The following ADGRB3 variants were observed in gnomAD, a reference collection of about 807,000 sequenced individuals.
ADGRB3 encodes adhesion G protein-coupled receptor B3, also known as brain-specific angiogenesis inhibitor 3.
In ADGRB3, 37 loss-of-function variants were observed where a neutral mutation model predicts 193.4. The observed-to-expected ratio is 0.19, with a 90% CI of 0.15 to 0.25. ADGRB3 has a LOEUF of 0.25. ADGRB3 is among the 10% of genes least tolerant of loss of function. ADGRB3 has a pLI of 1.00. For synonymous variants in ADGRB3, 690 were observed against 644.2 expected, an observed-to-expected ratio of 1.07 and a Z score of -1.08; for missense variants, 1,637 against 1,852.9, an observed-to-expected ratio of 0.88 and a Z score of 2.14.
chr6:69,162,100 G>A (rs966752856), intron 17 of ADGRB3, among the ~76,000 whole-genome samples: 6 of 152,102 alleles, frequency 3.9e-5, no homozygotes, highest in Admixed American at 3.3e-4. Flanking sequence ...GGTGATGGTT[G>A]TGGTGCTGGC....
intron 3 of ADGRB3, among the ~76,000 whole-genome samples, chr6:68,758,343 T>C (rs2127350052): frequency 6.6e-6 from 1 of 152,164 alleles, no homozygotes; most frequent in Non-Finnish European, 1.5e-5. Flanking sequence ...ATCATCATCA[T>C]CTCCTTCATT....
chr6:68,987,450 A>G (rs1671857140), intron 10 of ADGRB3, among the ~76,000 whole-genome samples: 1 of 152,128 alleles, frequency 6.6e-6, no homozygotes. Flanking sequence ...TTGTTTCTTC[A>G]TATGAAAAAG....
intron 24 of ADGRB3, among the ~76,000 whole-genome samples, chr6:69,337,882 C>T (rs908628525): frequency 3.9e-5 from 6 of 152,062 alleles, no homozygotes; most frequent in Non-Finnish European, 7.4e-5. Context: ...AATGCAACTC[C>T]GCTATAAGAT....
At chr6:68,803,619 T>C (rs973651475) in intron 3 of ADGRB3, among the ~76,000 whole-genome samples, 4 of 152,218 alleles carry the variant, frequency 2.6e-5, no homozygotes, top group African/African-American at 9.6e-5. Flanking sequence ...ACTATCCTCT[T>C]CTTGTCAGCC....
At chr6:68,964,571 G>C (rs1179039376) in intron 8 of ADGRB3, among the ~76,000 whole-genome samples, 1 of 152,152 alleles carries the variant, frequency 6.6e-6, no homozygotes, top group Non-Finnish European at 1.5e-5. Context: ...AAAATGTTGA[G>C]CATACCCCAG....
chr6:69,214,802 C>G (rs1000304746), intron 17 of ADGRB3, among the ~76,000 whole-genome samples: 2 of 151,324 alleles, frequency 1.3e-5, no homozygotes, highest in Non-Finnish European at 3.0e-5. Flanking sequence ...ACATTTGCAC[C>G]AACCTAATTT....
intron 11 of ADGRB3, among the ~76,000 whole-genome samples, chr6:68,995,541 A>G (rs148273421): frequency 6.6e-6 from 1 of 152,346 alleles, no homozygotes; most frequent in East Asian, 1.9e-4. Flanking sequence ...AGTCATTGAC[A>G]TTAGCTGGTT....
intron 3 of ADGRB3, among the ~76,000 whole-genome samples, chr6:68,848,976 A>C (rs1458839331): frequency 1.3e-5 from 2 of 152,028 alleles, no homozygotes; most frequent in East Asian, 3.9e-4. Context: ...CCATTCCTGA[A>C]ATTGGAAGGA....
intron 3 of ADGRB3, among the ~76,000 whole-genome samples, chr6:68,828,664 G>GCTGA (rs3036599): frequency 0.75 from 113,515 of 151,458 alleles, 43,030 homozygotes; most frequent in African/African-American, 0.86. Context: ...AAACAATGTG[G>GCTGA]CTAATATTTT....
At chr6:69,228,326 T>C (rs1436943156) in intron 17 of ADGRB3, among the ~76,000 whole-genome samples, 1 of 152,148 alleles carries the variant, frequency 6.6e-6, no homozygotes, top group Non-Finnish European at 1.5e-5. Context: ...AGAAACAGTG[T>C]CAGGGATTCA....
chr6:68,866,822 T>C (rs1240166569), intron 3 of ADGRB3, among the ~76,000 whole-genome samples: 1 of 152,190 alleles, frequency 6.6e-6, no homozygotes, highest in East Asian at 1.9e-4. Context: ...TGTGGAACTT[T>C]GAACTTACAG....
intron 17 of ADGRB3, among the ~76,000 whole-genome samples, chr6:69,111,652 C>G (rs1428323570): frequency 1.4e-4 from 22 of 152,130 alleles, no homozygotes. Flanking sequence ...CTTTTTTAGT[C>G]AGTTTGAGTT....
At chr6:68,924,861 T>C (rs1246998362) in intron 3 of ADGRB3, among the ~76,000 whole-genome samples, 1 of 151,976 alleles carries the variant, frequency 6.6e-6, no homozygotes, top group Non-Finnish European at 1.5e-5. Context: ...ATTTATCAGA[T>C]TTCTACTATT....
At chr6:69,272,831 C>A (rs542705284) in intron 20 of ADGRB3, among the ~76,000 whole-genome samples, 3 of 152,080 alleles carry the variant, frequency 2.0e-5, no homozygotes, top group Non-Finnish European at 4.4e-5. Context: ...CTGAGCCAGG[C>A]CTATAATAAA....
At chr6:69,050,447 T>C (rs1425727407) in intron 15 of ADGRB3, among the ~76,000 whole-genome samples, 2 of 152,190 alleles carry the variant, frequency 1.3e-5, no homozygotes, top group Non-Finnish European at 2.9e-5. Context: ...TTTGGATCTA[T>C]TTGTGTTTGT....
chr6:69,330,682 A>G (rs1768700954), intron 23 of ADGRB3, 110 bp downstream of exon 23: 10 of 745,404 alleles, frequency 1.3e-5, no homozygotes, highest in Non-Finnish European at 1.7e-5. Context: ...AGAAATTTTA[A>G]AGTTCAATGG....
chr6:68,850,781 A>G (rs566406307), intron 3 of ADGRB3, among the ~76,000 whole-genome samples: 62 of 152,114 alleles, frequency 4.1e-4, no homozygotes, highest in African/African-American at 1.3e-3. Context: ...AGCATTCATT[A>G]TATAAACCTC....
At chr6:68,738,454 G>T (rs554651997) in intron 3 of ADGRB3, among the ~76,000 whole-genome samples, 1 of 152,188 alleles carries the variant, frequency 6.6e-6, no homozygotes, top group East Asian at 1.9e-4. Flanking sequence ...GATGAATTAG[G>T]GGGGAAATAA....
chr6:68,848,895 A>G (rs1768341938), intron 3 of ADGRB3, among the ~76,000 whole-genome samples: 2 of 152,048 alleles, frequency 1.3e-5, no homozygotes, highest in South Asian at 4.1e-4. Context: ...TGAATTTTCC[A>G]TTGATTTTTT....
Sources: allele counts gnomAD v4.1 joint callset (sites outside exome capture counted in the v4.1 genomes callset), GRCh38; gene constraint gnomAD v4.1.1; transcripts MANE v1.5; gene names NCBI Gene and HGNC (gene_info 2026-07-23, HGNC 2026-07-21).